BICC1: variants seen among roughly 807,000 people sequenced by gnomAD.
BICC1 encodes the protein protein bicaudal C homolog 1.
BICC1 carries 43 observed loss-of-function variants against 111.0 expected under a neutral mutation model. The ratio of observed to expected loss-of-function variants is 0.39; its 90% CI spans 0.30 to 0.50. The LOEUF (loss-of-function observed/expected upper bound fraction) is 0.50, where lower values mean the gene tolerates loss of function less well. BICC1 is among the 20% of genes least tolerant of loss of function. The pLI is 0.88. For missense variants in BICC1, 1,091 were observed against 1,203.2 expected, an observed-to-expected ratio of 0.91 and a Z score of 1.38; for synonymous variants, 467 against 434.4, an observed-to-expected ratio of 1.07 and a Z score of -0.93.
intron 17 of BICC1, among the ~76,000 whole-genome samples, chr10:58,810,370 C>T (rs940627838): frequency 1.1e-4 from 17 of 152,274 alleles, no homozygotes; most frequent in African/African-American, 4.1e-4. Context: ...GTGGGTGAGA[C>T]CTGCTAGATT....
At chr10:58,658,133 T>C (rs1302247244) in intron 2 of BICC1, among the ~76,000 whole-genome samples, 1 of 152,214 alleles carries the variant, frequency 6.6e-6, no homozygotes, top group African/African-American at 2.4e-5. Flanking sequence ...TGTTCTCATA[T>C]TATGCCAATT....
At chr10:58,570,539 A>G (rs1432541235) in intron 1 of BICC1, among the ~76,000 whole-genome samples, 2 of 152,156 alleles carry the variant, frequency 1.3e-5, no homozygotes, top group African/African-American at 4.8e-5. Context: ...ACTATTCATA[A>G]CAGATGCAGA....
intron 1 of BICC1, among the ~76,000 whole-genome samples, chr10:58,603,857 A>G (rs1347690657): frequency 6.6e-6 from 1 of 152,226 alleles, no homozygotes; most frequent in African/African-American, 2.4e-5. Flanking sequence ...GTGGGCAACT[A>G]GTTACTCATT....
intron 2 of BICC1, among the ~76,000 whole-genome samples, chr10:58,665,100 T>C (rs1234489611): frequency 6.6e-6 from 1 of 152,124 alleles, no homozygotes; most frequent in African/African-American, 2.4e-5. Context: ...CTGCTTGTTA[T>C]TACTTGGTAA....
intron 1 of BICC1, among the ~76,000 whole-genome samples, chr10:58,570,819 C>T (rs1843926948): frequency 6.6e-6 from 1 of 152,202 alleles, no homozygotes. Flanking sequence ...ACTAAGCCAA[C>T]TGCTAATTTA....
intron 17 of BICC1, among the ~76,000 whole-genome samples, chr10:58,807,923 C>T (rs1843761556): frequency 6.6e-6 from 1 of 152,108 alleles, no homozygotes. Context: ...CAGTGTTCAA[C>T]CAGAGAGAGC....
intron 3 of BICC1, among the ~76,000 whole-genome samples, chr10:58,727,932 T>C (rs1024197766): frequency 6.6e-6 from 1 of 152,230 alleles, no homozygotes; most frequent in Non-Finnish European, 1.5e-5. Flanking sequence ...AATAGCATTG[T>C]GTCTTTAAAA....
intron 3 of BICC1, among the ~76,000 whole-genome samples, chr10:58,744,671 A>G (rs1242635721): frequency 8.3e-6 from 1 of 120,664 alleles, no homozygotes; most frequent in Admixed American, 1.0e-4. Flanking sequence ...AACTTTTATG[A>G]TTTGACATCT....
chr10:58,769,404 G>GTATATA (rs59606054), intron 3 of BICC1, among the ~76,000 whole-genome samples: 64 of 109,744 alleles, frequency 5.8e-4, no homozygotes, highest in African/African-American at 1.9e-3. Flanking sequence ...GTGTGTGTGT[G>GTATATA]TATATATATA....
intron 17 of BICC1, among the ~76,000 whole-genome samples, chr10:58,807,755 C>G (rs1156784544): frequency 2.0e-5 from 3 of 152,140 alleles, no homozygotes; most frequent in Non-Finnish European, 2.9e-5. Context: ...CCAGGCTACA[C>G]GCGATTCACC....
At chr10:58,624,972 G>T (rs1025924842) in intron 2 of BICC1, among the ~76,000 whole-genome samples, 8 of 152,138 alleles carry the variant, frequency 5.3e-5, no homozygotes, top group Non-Finnish European at 2.9e-5. Context: ...TATATAAAGT[G>T]ATTTTTAATA....
intron 3 of BICC1, among the ~76,000 whole-genome samples, chr10:58,774,565 T>C (rs925092034): frequency 1.3e-5 from 2 of 152,182 alleles, no homozygotes; most frequent in Non-Finnish European, 2.9e-5. Context: ...AAAATAGAAA[T>C]TACCTGTGAC....
At chr10:58,641,055 C>A (rs1456623873) in intron 2 of BICC1, among the ~76,000 whole-genome samples, 1 of 152,168 alleles carries the variant, frequency 6.6e-6, no homozygotes, top group East Asian at 1.9e-4. Flanking sequence ...TATTGGAATT[C>A]TTTTACAATT....
intron 2 of BICC1, among the ~76,000 whole-genome samples, chr10:58,657,982 G>A (rs1414464930): frequency 6.6e-6 from 1 of 150,560 alleles, no homozygotes; most frequent in Non-Finnish European, 1.5e-5. Context: ...TTCTCAGTGT[G>A]TCACCTTAGG....
intron 3 of BICC1, among the ~76,000 whole-genome samples, chr10:58,775,575 G>A (rs944246497): frequency 1.5e-4 from 23 of 151,936 alleles, no homozygotes; most frequent in African/African-American, 4.4e-4. Context: ...CCATCTCCTC[G>A]CCCAAAGATA....
chr10:58,680,253 A>G (rs750744667), intron 2 of BICC1, among the ~76,000 whole-genome samples: 2 of 152,194 alleles, frequency 1.3e-5, no homozygotes, highest in Non-Finnish European at 2.9e-5. Context: ...TTTGCAGATG[A>G]CATGCCTGTA....
chr10:58,597,190 A>T (rs1361598014), intron 1 of BICC1, among the ~76,000 whole-genome samples: 1 of 152,162 alleles, frequency 6.6e-6, no homozygotes, highest in Non-Finnish European at 1.5e-5. Flanking sequence ...GTGACATCAC[A>T]TATCAGTAGG....
chr10:58,774,397 A>G (rs1454848547), intron 3 of BICC1, among the ~76,000 whole-genome samples: 1 of 152,202 alleles, frequency 6.6e-6, no homozygotes, highest in Admixed American at 6.5e-5. Context: ...GAAAACAGGA[A>G]GTTCTGACTT....
At chr10:58,804,026 CAG>C (rs1843636042) in intron 15 of BICC1, among the ~76,000 whole-genome samples, 2 of 152,144 alleles carry the variant, frequency 1.3e-5, no homozygotes, top group African/African-American at 4.8e-5. Flanking sequence ...ATCCTAGAAA[CAG>C]AAAAGCTGTC....
Sources: allele counts gnomAD v4.1 joint callset (sites outside exome capture counted in the v4.1 genomes callset), GRCh38; gene constraint gnomAD v4.1.1; transcripts MANE v1.5; gene names NCBI Gene and HGNC (gene_info 2026-07-23, HGNC 2026-07-21).